MUC17: variants seen among roughly 807,000 people sequenced by gnomAD.
MUC17 encodes the protein mucin-17.
Under a neutral mutation model 170.3 loss-of-function variants are expected in MUC17, and 190 were observed. The ratio of observed to expected loss-of-function variants is 1.12; its 90% confidence interval spans 0.99 to 1.26. The LOEUF (loss-of-function observed/expected upper bound fraction) is 1.26, where lower values mean the gene tolerates loss of function less well. MUC17 is among the 50% of genes most tolerant of loss of function. MUC17 has a pLI of 0.00. For missense variants in MUC17, 6,415 were observed against 5,530.0 expected, an observed-to-expected ratio of 1.16 and a Z score of -5.08; for synonymous variants, 2,325 against 2,002.5, an observed-to-expected ratio of 1.16 and a Z score of -4.30.
Position 101,037,517 on chromosome 7 carries a change from T to A in MUC17, c.6101T>A (p.Ile2034Lys), listed in dbSNP as rs184841146. The A allele has an allele frequency of 6.2e-7, 1 of 1,613,816 alleles. No homozygotes were observed. Among genetic ancestry groups the A allele is most frequent in the South Asian group, 1.1e-5 (1 of 91,046 alleles). The change falls in exon 3 of 13, where the codon ATA (isoleucine) becomes AAA (lysine). Residue 2034 changes from isoleucine (I) to lysine (K), a missense_variant. Transcript: ENST00000306151. Reference sequence around the variant, plus strand: ...CCTACAACTGCAGGAGGTACCAGCATACAAACCTCAACTCCTAGTGAACGG... The same window carrying A: ...CCTACAACTGCAGGAGGTACCAGCAAACAAACCTCAACTCCTAGTGAACGG... ...SSPTTAGGTS[I>K]QTSTPSERTT...
At position 101,036,930 on chromosome 7, in the gene MUC17, T is replaced by C. The variant is rs146261861; in HGVS notation, c.5514T>C (p.Pro1838=). The change falls in exon 3 of 13, where the codon CCT becomes CCC. Residue 1838 remains proline, a synonymous_variant. Transcript: ENST00000306151. ...LSTTPVDSNS[P]VVTSTAVSSS... ...CAACTCCTGTTGACTCTAACAGTCC[T>C]GTGGTCACTTCTACAGCAGTCAGTT... 66 of 1,612,950 alleles carry C rather than the reference T, an allele frequency of 4.1e-5. 1 individual carries two copies. In the African/African-American group the frequency reaches 7.6e-4, roughly 19 times the overall value.
chr7:101,021,246 C>T (rs576000098), intron 1 of MUC17, among the ~76,000 whole-genome samples: 3 of 140,010 alleles, frequency 2.1e-5, no homozygotes, highest in South Asian at 2.3e-4. Flanking sequence ...AGTTCTGTAG[C>T]GTGATGTCAG....
intron 6 of MUC17, among the ~76,000 whole-genome samples, chr7:101,049,676 C>T (rs1314438926): frequency 6.6e-6 from 1 of 152,172 alleles, no homozygotes; most frequent in Non-Finnish European, 1.5e-5. Context: ...CATCTCCCTG[C>T]TGTCTCTGCA....
At position 101,048,048 on chromosome 7, in the gene MUC17, C is replaced by G. The variant is rs374826266; in HGVS notation, c.12468C>G (p.Leu4156=). 91 of 1,607,868 alleles carry G rather than the reference C, an allele frequency of 5.7e-5. No homozygotes were observed. The highest frequency in any genetic ancestry group is 7.5e-5 in the Non-Finnish European group (88 of 1,177,446). ...AGAATGGAGGCACCTGGGATGGGCTCAAGTGCCAGTGTCCCAACCTCTATT... is the reference window on the plus strand; with the variant it reads ...AGAATGGAGGCACCTGGGATGGGCTGAAGTGCCAGTGTCCCAACCTCTATT... ...RCKNGGTWDG[L]KCQCPNLYYG... The change falls in exon 4 of 13, where the codon CTC becomes CTG. Residue 4156 remains leucine, a synonymous_variant. Coordinates refer to ENST00000306151, the MANE Select transcript of MUC17 (RefSeq NM_001040105.2).
rs1427660782 is a variant in MUC17, at chr7:101,038,471, G to A, written c.7055G>A (p.Ser2352Asn). 1.2e-6 allele frequency: 2 copies of A among 1,603,268 alleles called. No homozygotes were observed. Among genetic ancestry groups the A allele is most frequent in the African/African-American group, 2.7e-5 (2 of 73,984 alleles). Residue 2352 changes from serine to asparagine, a missense_variant, in exon 3 of 13, where the codon AGT (serine) becomes AAT (asparagine). Coordinates refer to ENST00000306151, the MANE Select transcript of MUC17 (RefSeq NM_001040105.2). ...RMPVSTTMVA[S>N]FETSTLSTTP... is the part of the protein sequence containing the mutation. ...CCTGTCAGCACCACAATGGTGGCCAGTTTTGAAACAAGCACACTTTCTACA... is the reference window on the plus strand; with the variant it reads ...CCTGTCAGCACCACAATGGTGGCCAATTTTGAAACAAGCACACTTTCTACA...
Position 101,042,605 on chromosome 7 carries a change from A to G in MUC17, c.11189A>G (p.Glu3730Gly), listed in dbSNP as rs754082289. 6 of 1,614,002 alleles carry G rather than the reference A, an allele frequency of 3.7e-6. No individual in the cohort carries two copies. The highest frequency in any genetic ancestry group is 5.1e-6 in the Non-Finnish European group (6 of 1,180,038). ...VTSTPVTTST[E>G]AISSSATLDS... The stretch of plus-strand genomic sequence containing the variant: ...AGCACACCTGTGACCACTTCTACTG[A>G]AGCCATTTCATCTTCTGCAACTCTT... Residue 3730 changes from glutamate to glycine, a missense_variant, in exon 3 of 13, where the codon GAA becomes GGA. Physicochemically the swap from Glu to Gly is moderately conservative, Grantham distance 98 (BLOSUM62 -2). Coordinates refer to ENST00000306151, the MANE Select transcript of MUC17 (RefSeq NM_001040105.2).
chr7:101,038,984 G>A lies in MUC17; in HGVS notation c.7568G>A (p.Ser2523Asn), dbSNP rs376866471. Residue 2523 changes from serine to asparagine, a missense_variant, in exon 3 of 13, where the codon AGC (serine) becomes AAC (asparagine). By Grantham distance (46) the Ser-to-Asn change is conservative. Transcript: ENST00000306151. ...ACTCTATTAACAAGTATACCTGTCA[G>A]CACCACGCCAGTGGCCAGTCCTGAG... ...GSTLLTSIPV[S>N]TTPVASPEAS... The A allele has an allele frequency of 3.1e-6, 5 of 1,613,956 alleles. No individual in the cohort carries two copies. The African/African-American group carries it at 6.7e-5, about 22-fold the overall frequency.
Position 101,032,566 on chromosome 7 carries a change from C to G in MUC17, c.1150C>G (p.Leu384Val). ...LPTTAEATSM[L>V]TSTLSEGSTP... is the part of the protein sequence containing the mutation. ...TACAACTGCTGAAGCTACCAGCATG[C>G]TAACCTCAACTCTTAGTGAAGGAAG... Residue 384 changes from leucine (L) to valine (V), a missense_variant, in exon 3 of 13, where the codon CTA becomes GTA. Transcript: ENST00000306151. 1 of 1,613,850 alleles carries G rather than the reference C, an allele frequency of 6.2e-7. No individual in the cohort carries two copies. The highest frequency in any genetic ancestry group is 1.3e-5 in the African/African-American group (1 of 74,950).
At chr7:101,025,602 G>A (rs376312835) in intron 1 of MUC17, among the ~76,000 whole-genome samples, 35 of 152,160 alleles carry the variant, frequency 2.3e-4, no homozygotes, top group Middle Eastern at 6.8e-3. Flanking sequence ...GACCAGCCTG[G>A]CCAACATGGT....
chr7:101,043,119 C>A lies in MUC17; in HGVS notation c.11703C>A (p.Asp3901Glu). 6.2e-7 allele frequency: 1 copy of A among 1,614,202 alleles called. No homozygotes were observed. Among genetic ancestry groups the A allele is most frequent in the Non-Finnish European group, 8.5e-7 (1 of 1,180,036 alleles). Residue 3901 changes from aspartate to glutamate, a missense_variant, in exon 3 of 13, where the codon GAC becomes GAA. Physicochemically the swap from Asp to Glu is conservative, Grantham distance 45 (BLOSUM62 2). Transcript: ENST00000306151. ...GASIASTPPL[D>E]TSTTFTPSTD... The stretch of plus-strand genomic sequence containing the variant: ...GCATAGCTTCGACACCTCCTCTTGA[C>A]ACAAGCACAACTTTTACCCCTTCTA...
In MUC17 at chr7:101,056,275, G is replaced by T. The variant is rs749772317; in HGVS notation, c.13440+5G>T. 12 of 1,613,500 alleles carry T rather than the reference G, an allele frequency of 7.4e-6. No homozygotes were observed. The highest frequency in any genetic ancestry group is 1.7e-4 in the Middle Eastern group (1 of 6,054). ...CACATAGACCCTGAAACAAAGGTAAGAAGGGCCTGGATGGGATGCTGGCCT... is the reference window on the plus strand; with the variant it reads ...CACATAGACCCTGAAACAAAGGTAATAAGGGCCTGGATGGGATGCTGGCCT... On this transcript the variant is annotated splice_donor_5th_base_variant and intron_variant, in intron 12 of 12. Coordinates refer to ENST00000306151, the MANE Select transcript of MUC17 (RefSeq NM_001040105.2).
At position 101,040,573 on chromosome 7, in the gene MUC17, G is replaced by C. The variant is rs370646373; in HGVS notation, c.9157G>C (p.Val3053Leu). ...AAGTACTCCATTAACAAGTATACCT[G>C]TCAGCACCACGCCAGTGGCCATTCC... ...EGSTPLTSIP[V>L]STTPVAIPEA... The change falls in exon 3 of 13, where the codon GTC becomes CTC. Residue 3053 changes from valine to leucine, a missense_variant. By Grantham distance (32) the Val-to-Leu change is conservative. Coordinates refer to ENST00000306151, the MANE Select transcript of MUC17 (RefSeq NM_001040105.2). 26 of 1,612,812 alleles carry C rather than the reference G, an allele frequency of 1.6e-5. No homozygotes were observed. In the African/African-American group the frequency reaches 3.1e-4, roughly 19 times the overall value.
chr7:101,050,982 T>C (rs1262332292), intron 7 of MUC17, among the ~76,000 whole-genome samples: 1 of 151,960 alleles, frequency 6.6e-6, no homozygotes, highest in Admixed American at 6.6e-5. Context: ...CTAACGGCTA[T>C]AGGACAGGGG....
At chr7:101,048,778 G>A in intron 4 of MUC17, 67 bp from the exon 5 acceptor site, 3 of 1,592,604 alleles carry the variant, frequency 1.9e-6, no homozygotes, top group African/African-American at 2.7e-5. Context: ...CCTCCACCCA[G>A]GCTGGGGGCA....
chr7:101,042,377 C>T lies in MUC17; in HGVS notation c.10961C>T (p.Thr3654Ile). The T allele has an allele frequency of 1.2e-6, 2 of 1,614,088 alleles. No individual in the cohort carries two copies. Among genetic ancestry groups the T allele is most frequent in the Non-Finnish European group, 1.7e-6 (2 of 1,179,944 alleles). Residue 3654 changes from threonine (T) to isoleucine (I), a missense_variant, in exon 3 of 13, where the codon ACA becomes ATA. Coordinates refer to ENST00000306151, the MANE Select transcript of MUC17 (RefSeq NM_001040105.2). ...TTSVTISEAG[T>I]ASTLPVDTST... is the part of the protein sequence containing the mutation. ...TCGGTGACCATTTCTGAGGCTGGCA[C>T]AGCTTCAACACTTCCTGTTGACACC...
Position 101,020,120 on chromosome 7 carries a change from C to T in MUC17, c.-16C>T, listed in dbSNP as rs748850877. The stretch of plus-strand genomic sequence containing the variant: ...CTCTGGGGGTGACAGGCAAGTGAGA[C>T]GTGCTCAGAGCTCCGATGCCAAGGC... On this transcript the variant is annotated 5_prime_UTR_variant, in exon 1 of 13. In the 5' UTR this introduces an upstream ATG that the reference lacks. Transcript: ENST00000306151. The T allele has an allele frequency of 4.2e-5, 66 of 1,580,770 alleles. No individual in the cohort carries two copies. The Admixed American group carries it at 4.3e-4, about 10-fold the overall frequency.
At position 101,033,085 on chromosome 7, in the gene MUC17, G is replaced by A; in HGVS notation, c.1669G>A (p.Gly557Ser). 1 of 1,612,852 alleles carries A rather than the reference G, an allele frequency of 6.2e-7. No homozygotes were observed. Among genetic ancestry groups the A allele is most frequent in the Non-Finnish European group, 8.5e-7 (1 of 1,179,684 alleles). Reference protein sequence around the residue: ...EASSSSTTPEGTSIPTSTPSE... With the variant: ...EASSSSTTPESTSIPTSTPSE... Reference sequence around the variant, plus strand: ...CAGTTCATCTTCTACAACTCCTGAAGGTACCAGCATACCAACCTCAACTCC... The same window carrying A: ...CAGTTCATCTTCTACAACTCCTGAAAGTACCAGCATACCAACCTCAACTCC... Residue 557 changes from glycine to serine, a missense_variant, in exon 3 of 13, where the codon GGT becomes AGT. Gly to Ser is a moderately conservative substitution (Grantham distance 56). Coordinates refer to ENST00000306151, the MANE Select transcript of MUC17 (RefSeq NM_001040105.2).
At chr7:101,052,104 G>A (rs1794959456) in intron 9 of MUC17, 142 bp downstream of exon 9, 2 of 1,027,624 alleles carry the variant, frequency 1.9e-6, no homozygotes, top group Non-Finnish European at 2.8e-6. Context: ...CAGCTGCAGA[G>A]GAATTGGGTT....
Position 101,039,643 on chromosome 7 carries a change from A to T in MUC17, c.8227A>T (p.Ile2743Phe). 3 of 1,611,396 alleles carry T rather than the reference A, an allele frequency of 1.9e-6. No homozygotes were observed. In the South Asian group the frequency reaches 3.3e-5, roughly 18 times the overall value. ...PTTAEGTSMR[I>F]STPSDGSTPL... ...AACTGCTGAAGGTACCAGCATGCGA[A>T]TCTCAACTCCTAGTGATGGAAGTAC... is the stretch of plus-strand genomic sequence containing the variant. The change falls in exon 3 of 13, where the codon ATC becomes TTC. Residue 2743 changes from isoleucine to phenylalanine, a missense_variant. Transcript: ENST00000306151.
Sources: allele counts gnomAD v4.1 joint callset (sites outside exome capture counted in the v4.1 genomes callset), GRCh38; gene constraint gnomAD v4.1.1; transcripts MANE v1.5; gene names NCBI Gene and HGNC (gene_info 2026-07-23, HGNC 2026-07-21).